Variants in ZNF888 observed in about 807,000 individuals in gnomAD.
ZNF888 encodes CTD-2331H12.6.
A neutral mutation model predicts 7.2 loss-of-function variants in ZNF888; 5 were observed. That is an observed-to-expected ratio of 0.70 (90% confidence interval 0.36 to 1.46). The LOEUF (loss-of-function observed/expected upper bound fraction) is 1.46. Ranked by LOEUF, ZNF888 falls within the 40% of genes most tolerant of loss-of-function variation. The pLI is 0.03. For missense variants in ZNF888, 716 were observed against 858.0 expected (o/e 0.83, Z 2.07); for synonymous variants, 240 against 284.3 (o/e 0.84, Z 1.57).
chr19:52,916,785 G>A (rs1180137528), intron 3 of ZNF888, among the ~76,000 whole-genome samples: 6 of 151,930 alleles, frequency 3.9e-5, no homozygotes, highest in Non-Finnish European at 8.8e-5. Context: ...CCTAGAGGAA[G>A]CAATCACCCT....
intron 4 of ZNF888, among the ~76,000 whole-genome samples, chr19:52,911,751 G>C (rs2064681696): frequency 6.6e-6 from 1 of 152,182 alleles, no homozygotes. Context: ...GAAGTTAAGA[G>C]CCTGTGCTGT....
At chr19:52,910,834 T>C (rs1317422959) in intron 4 of ZNF888, among the ~76,000 whole-genome samples, 2 of 152,210 alleles carry the variant, frequency 1.3e-5, no homozygotes, top group Non-Finnish European at 2.9e-5. Context: ...GATTGAGTCA[T>C]GCTCTATCAC....
intron 1 of ZNF888, among the ~76,000 whole-genome samples, chr19:52,923,045 C>T (rs574434338): frequency 3.3e-5 from 5 of 152,232 alleles, no homozygotes; most frequent in East Asian, 1.9e-4. Context: ...GGCTGGGAAG[C>T]GCCAGAGCAG....
chr19:52,917,662 A>G (rs370712845), intron 3 of ZNF888, among the ~76,000 whole-genome samples, 197 bp downstream of exon 3: 147 of 152,144 alleles, frequency 9.7e-4, no homozygotes, highest in African/African-American at 3.0e-3. Context: ...GCCTACTGCA[A>G]CCTCTTCTCA....
At chr19:52,913,759 G>C (rs1026319670) in intron 4 of ZNF888, 33 of 983,798 alleles carry the variant, frequency 3.4e-5, no homozygotes, top group Non-Finnish European at 3.7e-5. Context: ...ACACTAACGT[G>C]GTTGTTATAT....
Position 52,906,305 on chromosome 19 carries a change from A to G in ZNF888, c.2017T>C (p.Cys673Arg). The G allele has an allele frequency of 6.2e-7, 1 of 1,612,388 alleles. No homozygotes were observed. Among genetic ancestry groups the G allele is most frequent in the Non-Finnish European group, 8.5e-7 (1 of 1,179,288 alleles). Residue 673 changes from cysteine (C) to arginine (R), a missense_variant, in exon 5 of 5, where the codon TGT (cysteine) becomes CGT (arginine). Cys to Arg is a radical substitution (Grantham distance 180, BLOSUM62 -3). Coordinates refer to ENST00000638862, the MANE Select transcript of ZNF888 (RefSeq NM_001393938.1). ...KCKVCDKAFK[C>R]YSHLAQHTRI... ...GTATGTTGTGCCAGGTGTGAGTAAC[A>G]CTTGAAAGCCTTGTCACAAACCTTA...
intron 4 of ZNF888, among the ~76,000 whole-genome samples, chr19:52,914,086 C>G (rs11084206): frequency 0.16 from 24,321 of 152,212 alleles, 2,098 homozygotes; most frequent in South Asian, 0.25. Context: ...AATTGCACCA[C>G]TGCACTGTAG....
Position 52,908,046 on chromosome 19 carries a change from G to A in ZNF888, c.276C>T (p.Asp92=), listed in dbSNP as rs746663634. The A allele has an allele frequency of 2.3e-5, 37 of 1,614,010 alleles. No individual in the cohort carries two copies. Among genetic ancestry groups the A allele is most frequent in the Non-Finnish European group, 3.1e-5 (36 of 1,180,014 alleles). ...GECCFQEIEK[D]IHDFVFQWQE... ...GCCACTGAAACACAAAGTCATGAATGTCTTTCTCAATTTCCTGGAAGCAAC... is the reference window on the plus strand; with the variant it reads ...GCCACTGAAACACAAAGTCATGAATATCTTTCTCAATTTCCTGGAAGCAAC... Residue 92 remains aspartate, a synonymous_variant, in exon 5 of 5, where the codon GAC becomes GAT. Coordinates refer to ENST00000638862, the MANE Select transcript of ZNF888 (RefSeq NM_001393938.1).
chr19:52,917,267 G>A (rs1403216432), intron 3 of ZNF888: 3 of 168,334 alleles, frequency 1.8e-5, no homozygotes, highest in South Asian at 1.5e-4. Context: ...TGCAACCTCC[G>A]CCTCCCGATT....
chr19:52,908,224 A>G, intron 4 of ZNF888, 45 bp from the exon 5 acceptor site: 4 of 1,547,926 alleles, frequency 2.6e-6, no homozygotes, highest in Non-Finnish European at 3.6e-6. Context: ...AGTACAGATA[A>G]TATATAATAC....
intron 4 of ZNF888, among the ~76,000 whole-genome samples, chr19:52,914,973 T>C (rs2064727215): frequency 6.6e-6 from 1 of 152,204 alleles, no homozygotes; most frequent in Non-Finnish European, 1.5e-5. Flanking sequence ...CCATAAAGTT[T>C]TATGCCTACT....
chr19:52,917,958 A>T lies in ZNF888; in HGVS notation c.-58-27T>A, dbSNP rs566599218. 92 of 1,603,480 alleles carry T rather than the reference A, an allele frequency of 5.7e-5. No individual in the cohort carries two copies. The African/African-American group carries it at 1.1e-3, about 19-fold the overall frequency. Reference sequence around the variant, plus strand: ...TTTAGAAGTCAATCATGAATGTTAGAAATATGTTGTTTATTGCTCAGAGTC... The same window carrying T: ...TTTAGAAGTCAATCATGAATGTTAGTAATATGTTGTTTATTGCTCAGAGTC... On this transcript the variant is annotated intron_variant, in intron 2 of 4. Coordinates refer to ENST00000638862, the MANE Select transcript of ZNF888 (RefSeq NM_001393938.1).
At chr19:52,908,213 C>A in intron 4 of ZNF888, 34 bp from the exon 5 acceptor site, 1 of 1,582,440 alleles carries the variant, frequency 6.3e-7, no homozygotes, top group South Asian at 1.1e-5. Context: ...TTTTCCAATT[C>A]AGTACAGATA....
At chr19:52,917,994 C>T (rs1464389300) in intron 2 of ZNF888, 63 bp from the exon 3 acceptor site, 1 of 1,568,346 alleles carries the variant, frequency 6.4e-7, no homozygotes, top group Non-Finnish European at 8.6e-7. Context: ...AACATACCCC[C>T]TCCCTGTAAA....
rs1247328308 is a variant in ZNF888 at position 52,904,577 on chromosome 19, CA to C, written c.*1587del. 7.9e-5 allele frequency: 12 copies of C among 152,218 alleles called. No homozygotes were observed. Among genetic ancestry groups the C allele is most frequent in the African/African-American group, 2.9e-4 (12 of 41,456 alleles). 9.4% of individuals were successfully genotyped at this position (152,218 alleles called of 1,614,324 possible). ...ATTTGAGCAAGCAGTGGGTATGTGACAGGGGCTGCATGCACCGGTGTTCAGA... is the reference window on the plus strand; with the variant it reads ...ATTTGAGCAAGCAGTGGGTATGTGACGGGGCTGCATGCACCGGTGTTCAGA... On this transcript the variant is annotated 3_prime_UTR_variant, in exon 5 of 5. Transcript: ENST00000638862.
At position 52,906,278 on chromosome 19, in the gene ZNF888, T is replaced by C; in HGVS notation, c.2044A>G (p.Arg682Gly). ...KCYSHLAQHT[R>G]IHTGEKPFKC... The stretch of plus-strand genomic sequence containing the variant: ...AAAGGTTTCTCTCCAGTATGAATTC[T>C]AGTATGTTGTGCCAGGTGTGAGTAA... The change falls in exon 5 of 5, where the codon AGA becomes GGA. Residue 682 changes from arginine to glycine, a missense_variant. Coordinates refer to ENST00000638862, the MANE Select transcript of ZNF888 (RefSeq NM_001393938.1). The C allele has an allele frequency of 6.2e-7, 1 of 1,612,746 alleles. No homozygotes were observed. Among genetic ancestry groups the C allele is most frequent in the South Asian group, 1.1e-5 (1 of 90,906 alleles).
chr19:52,906,959 G>A lies in ZNF888; in HGVS notation c.1363C>T (p.Arg455Cys), dbSNP rs542320306. Residue 455 changes from arginine to cysteine, a missense_variant, in exon 5 of 5, where the codon CGT (arginine) becomes TGT (cysteine). This residue lies in a region of ZNF888 where 697 missense variants were observed against 803.4 expected (regional missense o/e 0.87). Transcript: ENST00000638862. Reference protein sequence around the residue: ...KVFNQQSNLARHHRLHTGEKP... With the variant: ...KVFNQQSNLACHHRLHTGEKP... The stretch of plus-strand genomic sequence containing the variant: ...TCTCCAGTATGAAGTCTATGATGAC[G>A]TGCAAGGTTTGATTGTTGATTGAAA... 336 of 1,610,168 alleles carry A rather than the reference G, an allele frequency of 2.1e-4. 3 individuals carry two copies. In the South Asian group the frequency reaches 3.4e-3, roughly 16 times the overall value.
rs371753216 is a variant in ZNF888, at chr19:52,917,922, T to C, written c.-49A>G. On this transcript the variant is annotated 5_prime_UTR_variant, in exon 3 of 5. The change abolishes an upstream ATG in the 5' untranslated region. Transcript: ENST00000638862. Reference sequence around the variant, plus strand: ...TCCTCTTCTGAGTTTCTTCTTCACATACCCAGAGTCTTTAGAAGTCAATCA... The same window carrying C: ...TCCTCTTCTGAGTTTCTTCTTCACACACCCAGAGTCTTTAGAAGTCAATCA... 77 of 1,609,708 alleles carry C rather than the reference T, an allele frequency of 4.8e-5. No homozygotes were observed. In the African/African-American group the frequency reaches 9.6e-4, roughly 20 times the overall value.
intron 1 of ZNF888, among the ~76,000 whole-genome samples, chr19:52,922,927 A>G (rs905205034): frequency 4.6e-5 from 7 of 151,958 alleles, no homozygotes; most frequent in Non-Finnish European, 8.8e-5. Context: ...GGGGGAGATG[A>G]CGCCTTCGGA....
Sources: gnomAD v4.1 joint callset for allele counts (sites outside exome capture counted in the v4.1 genomes callset) on GRCh38, gnomAD v4.1.1 for gene constraint, gnomAD v4.1.1 regional missense constraint, MANE v1.5 for transcripts, NCBI Gene and HGNC (gene_info 2026-07-23, HGNC 2026-07-21) for gene names.